Variants in ANKS1B observed in about 807,000 individuals in gnomAD.
The protein encoded by ANKS1B is ankyrin repeat and sterile alpha motif domain containing 1B, also known as ankyrin repeat and sterile alpha motif domain-containing protein 1B.
Under a neutral mutation model 148.3 loss-of-function variants are expected in ANKS1B, and 36 were observed. The observed-to-expected ratio is 0.24, with a 90% CI of 0.19 to 0.32. ANKS1B has a LOEUF of 0.32. Among genes scored for constraint, ANKS1B ranks in the 10% least tolerant of loss-of-function variants. ANKS1B has a pLI of 1.00. For missense variants in ANKS1B, 1,157 were observed against 1,542.6 expected (o/e 0.75, Z 4.19); for synonymous variants, 542 against 560.8 (o/e 0.97, Z 0.47).
chr12:99,324,613 A>G (rs984366484), intron 12 of ANKS1B, among the ~76,000 whole-genome samples: 7 of 152,178 alleles, frequency 4.6e-5, no homozygotes, highest in Non-Finnish European at 1.5e-5. Context: ...ATTACATAAA[A>G]TTGTTCACTT....
intron 8 of ANKS1B, among the ~76,000 whole-genome samples, chr12:99,728,724 C>A (rs991704649): frequency 6.6e-6 from 1 of 152,138 alleles, no homozygotes; most frequent in African/African-American, 2.4e-5. Flanking sequence ...AACCCAAATG[C>A]CCATCAATGA....
At chr12:99,517,963 T>C (rs2096838756) in intron 9 of ANKS1B, among the ~76,000 whole-genome samples, 1 of 152,198 alleles carries the variant, frequency 6.6e-6, no homozygotes, top group African/African-American at 2.4e-5. Context: ...TTTTTCAGCA[T>C]CAATTGAAAT....
chr12:99,572,513 T>C (rs780954503), intron 9 of ANKS1B, among the ~76,000 whole-genome samples: 7 of 152,070 alleles, frequency 4.6e-5, no homozygotes, highest in Non-Finnish European at 7.4e-5. Flanking sequence ...AACTATCTAA[T>C]GTATAATTAA....
chr12:98,856,275 C>T (rs1354148873), intron 17 of ANKS1B, among the ~76,000 whole-genome samples: 1 of 152,120 alleles, frequency 6.6e-6, no homozygotes, highest in Non-Finnish European at 1.5e-5. Flanking sequence ...ATAAGCCATA[C>T]ACTCACTAAT....
intron 17 of ANKS1B, among the ~76,000 whole-genome samples, chr12:98,996,460 C>G (rs11109694): frequency 6.6e-6 from 1 of 152,172 alleles, no homozygotes; most frequent in African/African-American, 2.4e-5. Context: ...CACCCAGATT[C>G]TTCCCCTCCA....
intron 11 of ANKS1B, among the ~76,000 whole-genome samples, chr12:99,438,915 A>G (rs969066274): frequency 6.6e-6 from 1 of 151,880 alleles, no homozygotes; most frequent in African/African-American, 2.4e-5. Flanking sequence ...TAGAAAAAAA[A>G]GTCAAACTAT....
chr12:99,617,468 G>A (rs1218706534), intron 9 of ANKS1B, among the ~76,000 whole-genome samples: 4 of 151,896 alleles, frequency 2.6e-5, no homozygotes, highest in African/African-American at 9.7e-5. Flanking sequence ...ATAAAAAAAT[G>A]AGTTCTTGTC....
At chr12:99,179,273 A>G (rs2153846202) in intron 14 of ANKS1B, among the ~76,000 whole-genome samples, 1 of 151,398 alleles carries the variant, frequency 6.6e-6, no homozygotes, top group South Asian at 2.1e-4. Flanking sequence ...CTAAAAATAC[A>G]AAAAAATTAG....
In ANKS1B at chr12:99,346,058, C is replaced by T. The variant is rs138793418; in HGVS notation, c.1756+53573G>A. 7.2e-4 allele frequency among the ~76,000 whole-genome samples: 109 copies of T among 152,022 alleles called. 2 individuals carry two copies. In the South Asian group the frequency reaches 0.021, roughly 29 times the overall value. ...AATTTGGAGAACATTTTTTTTCCTACTAATTTCGATGCCACATGCTTTATA... is the reference window on the plus strand; with the variant it reads ...AATTTGGAGAACATTTTTTTTCCTATTAATTTCGATGCCACATGCTTTATA... On this transcript the variant is annotated intron_variant, in intron 12 of 26. Coordinates refer to ENST00000683438, the MANE Select transcript of ANKS1B (RefSeq NM_001352186.2).
intron 14 of ANKS1B, among the ~76,000 whole-genome samples, chr12:99,158,296 A>G (rs1389881677): frequency 1.3e-5 from 2 of 152,186 alleles, no homozygotes; most frequent in African/African-American, 4.8e-5. Flanking sequence ...CTTTTATTCA[A>G]CTAGAATGTC....
chr12:99,495,481 G>A (rs1035132521), intron 10 of ANKS1B, among the ~76,000 whole-genome samples: 2 of 152,070 alleles, frequency 1.3e-5, no homozygotes, highest in African/African-American at 2.4e-5. Flanking sequence ...ATGGATGAAG[G>A]AGGCAGGTAA....
intron 17 of ANKS1B, among the ~76,000 whole-genome samples, chr12:98,997,128 A>C (rs1484155040): frequency 3.3e-5 from 5 of 152,146 alleles, no homozygotes; most frequent in Non-Finnish European, 7.3e-5. Flanking sequence ...ATAAAATTTT[A>C]CCCCAAATAT....
At chr12:99,520,082 C>A (rs1299487204) in intron 9 of ANKS1B, among the ~76,000 whole-genome samples, 10 of 152,116 alleles carry the variant, frequency 6.6e-5, no homozygotes, top group Admixed American at 6.6e-4. Flanking sequence ...AATCTTTCTA[C>A]TTAAGATATG....
At chr12:99,894,524 A>C (rs2093307950) in intron 1 of ANKS1B, among the ~76,000 whole-genome samples, 1 of 150,004 alleles carries the variant, frequency 6.7e-6, no homozygotes, top group Admixed American at 6.6e-5. Context: ...AAAAAAAAAA[A>C]AAAAAACAAG....
intron 9 of ANKS1B, among the ~76,000 whole-genome samples, chr12:99,515,770 A>T (rs1438185875): frequency 1.3e-5 from 2 of 151,966 alleles, no homozygotes; most frequent in Admixed American, 6.6e-5. Flanking sequence ...TTCTCCTCAC[A>T]TTCCCACCAA....
intron 11 of ANKS1B, among the ~76,000 whole-genome samples, chr12:99,407,076 A>C (rs1322104492): frequency 6.8e-6 from 1 of 146,086 alleles, no homozygotes; most frequent in Non-Finnish European, 1.5e-5. Context: ...ACACATCAAA[A>C]ACAGAAAACT....
chr12:99,536,475 A>C (rs2097068298), intron 9 of ANKS1B, among the ~76,000 whole-genome samples: 1 of 152,102 alleles, frequency 6.6e-6, no homozygotes, highest in African/African-American at 2.4e-5. Flanking sequence ...AGCTCCTTTC[A>C]TGCTTTTATG....
chr12:98,738,324 T>C (rs968341795), intron 9 of ANKS1B, among the ~76,000 whole-genome samples: 1 of 152,180 alleles, frequency 6.6e-6, no homozygotes, highest in Non-Finnish European at 1.5e-5. Flanking sequence ...TAGAAATGAA[T>C]AGAAAAATCT....
intron 9 of ANKS1B, among the ~76,000 whole-genome samples, chr12:99,621,394 A>G (rs1271407422): frequency 6.6e-6 from 1 of 151,502 alleles, no homozygotes; most frequent in Non-Finnish European, 1.5e-5. Flanking sequence ...AACCTCACAT[A>G]CCAATATTAG....
Sources: allele counts gnomAD v4.1 joint callset (sites outside exome capture counted in the v4.1 genomes callset), GRCh38; gene constraint gnomAD v4.1.1; transcripts MANE v1.5; gene names NCBI Gene and HGNC (gene_info 2026-07-23, HGNC 2026-07-21).